Variants in CDC42BPB observed in about 807,000 individuals in gnomAD.
CDC42BPB encodes the protein CDC42 binding protein kinase beta.
A neutral mutation model predicts 214.9 loss-of-function variants in CDC42BPB; 37 were observed. That is an observed-to-expected ratio of 0.17 (90% CI 0.13 to 0.23). The LOEUF (loss-of-function observed/expected upper bound fraction) is 0.23. Among genes scored for constraint, CDC42BPB ranks in the 10% least tolerant of loss-of-function variants. CDC42BPB has a pLI of 1.00. For missense variants in CDC42BPB, 1,694 were observed against 2,227.0 expected (o/e 0.76, Z 4.82); for synonymous variants, 931 against 884.0 (o/e 1.05, Z -0.94).
chr14:103,053,360 A>T (rs1438315789), intron 1 of CDC42BPB, among the ~76,000 whole-genome samples: 2 of 151,830 alleles, frequency 1.3e-5, no homozygotes, highest in South Asian at 2.1e-4. Flanking sequence ...AAAAAAAGAA[A>T]AGAAAAGAAA....
In CDC42BPB at chr14:102,975,999, A is replaced by G. The variant is rs1240863944; in HGVS notation, c.1271T>C (p.Leu424Ser). Residue 424 changes from leucine (L) to serine (S), a missense_variant, in exon 10 of 37, where the codon TTA becomes TCA. Leu to Ser is a moderately radical substitution (Grantham distance 145). This residue lies in a region of CDC42BPB where 462 missense variants were observed against 513.5 expected (regional missense o/e 0.90). Transcript: ENST00000361246. Reference protein sequence around the residue: ...SLKSIMQSNTLTKDEDVQRDL... With the variant: ...SLKSIMQSNTSTKDEDVQRDL... ...CCGCTGCACATCCTCATCTTTGGTT[A>G]ATGTGTTGGACTGCATTATGCTCTT... The G allele has an allele frequency of 6.2e-7, 1 of 1,614,114 alleles. No homozygotes were observed. Among genetic ancestry groups the G allele is most frequent in the African/African-American group, 1.3e-5 (1 of 74,938 alleles).
chr14:102,993,550 AGAGG>A (rs151086257), intron 5 of CDC42BPB, among the ~76,000 whole-genome samples: 1 of 146,358 alleles, frequency 6.8e-6, no homozygotes, highest in African/African-American at 2.5e-5. Flanking sequence ...ATGGAGGGAA[AGAGG>A]GAGGGAGGGA....
Position 103,041,551 on chromosome 14 carries a change from G to A in CDC42BPB, c.175+15448C>T, listed in dbSNP as rs1037312410. ...TCGTGGCCACATGGTTCAACCAGCC[G>A]GCCCGAAGATCCGCAGATGCAAGGC... On this transcript the variant is annotated intron_variant, in intron 1 of 36. Transcript: ENST00000361246. The A allele has an allele frequency of 3.4e-5, 45 of 1,340,200 alleles. No individual in the cohort carries two copies. In the Middle Eastern group the frequency reaches 7.4e-4, roughly 22 times the overall value. 83.0% of individuals were successfully genotyped at this position (1,340,200 alleles called of 1,614,324 possible).
At chr14:102,969,901 T>G (rs1268121839) in intron 14 of CDC42BPB, among the ~76,000 whole-genome samples, 1 of 152,258 alleles carries the variant, frequency 6.6e-6, no homozygotes, top group African/African-American at 2.4e-5. Flanking sequence ...ATTCGTTTCC[T>G]AGGACTTACT....
At chr14:102,961,531 C>A (rs1448499431) in intron 20 of CDC42BPB, among the ~76,000 whole-genome samples, 2 of 144,684 alleles carry the variant, frequency 1.4e-5, no homozygotes, top group South Asian at 2.2e-4. Flanking sequence ...GATGGCAAAA[C>A]CCCCCCCACT....
chr14:102,937,967 T>A, intron 36 of CDC42BPB, 137 bp downstream of exon 36: 2 of 905,990 alleles, frequency 2.2e-6, no homozygotes, highest in Admixed American at 1.7e-5. Context: ...CCCCGACCCC[T>A]GCCCCCGTCA....
In CDC42BPB at chr14:102,972,050, C is replaced by T. The variant is rs1218724775; in HGVS notation, c.1753G>A (p.Ala585Thr). Residue 585 changes from alanine to threonine, a missense_variant, in exon 13 of 37, where the codon GCA becomes ACA. By Grantham distance (58) the Ala-to-Thr change is moderately conservative. This residue lies in a region of CDC42BPB where 462 missense variants were observed against 513.5 expected (regional missense o/e 0.90). Transcript: ENST00000361246. ...QEFSELNERM[A>T]ELRAQKQKVS... The stretch of plus-strand genomic sequence containing the variant: ...TTCTGCTTCTGGGCACGGAGCTCTG[C>T]CATGCGCTCGTTCAGCTCCGAGAAC... 6.2e-7 allele frequency: 1 copy of T among 1,614,274 alleles called. No homozygotes were observed. Among genetic ancestry groups the T allele is most frequent in the South Asian group, 1.1e-5 (1 of 91,088 alleles).
chr14:103,021,597 T>C (rs755804481), intron 1 of CDC42BPB, among the ~76,000 whole-genome samples: 1 of 151,328 alleles, frequency 6.6e-6, no homozygotes, highest in Non-Finnish European at 1.5e-5. Flanking sequence ...GCAGAATCGC[T>C]TGAATCCAGG....
intron 30 of CDC42BPB, among the ~76,000 whole-genome samples, chr14:102,942,638 G>C (rs914464156): frequency 2.0e-5 from 3 of 152,222 alleles, no homozygotes; most frequent in Non-Finnish European, 4.4e-5. Context: ...TCCATCTTCT[G>C]GGCTCAAGCA....
intron 1 of CDC42BPB, among the ~76,000 whole-genome samples, chr14:103,048,532 CAAAAAAAAAAAAAAAA>C (rs71119751): frequency 9.4e-5 from 4 of 42,656 alleles, no homozygotes; most frequent in Non-Finnish European, 1.6e-4. Flanking sequence ...ACTAAAAATA[CAAAAAAAAAAAAAAAA>C]AAAAAAAAAA....
chr14:102,941,385 T>C, intron 30 of CDC42BPB: 1 of 985,428 alleles, frequency 1.0e-6, no homozygotes, highest in Non-Finnish European at 1.2e-6. Flanking sequence ...GGCTACAAGA[T>C]CAGGACTTTT....
intron 8 of CDC42BPB, among the ~76,000 whole-genome samples, chr14:102,980,129 A>G (rs754288960): frequency 3.3e-5 from 5 of 152,218 alleles, no homozygotes; most frequent in African/African-American, 7.2e-5. Flanking sequence ...CTTTCAACCT[A>G]AAAAACCTAA....
At chr14:102,969,287 G>A (rs1893364856) in intron 14 of CDC42BPB, among the ~76,000 whole-genome samples, 1 of 152,334 alleles carries the variant, frequency 6.6e-6, no homozygotes, top group African/African-American at 2.4e-5. Context: ...TGTCTGGTGT[G>A]GCGGGGCAAG....
At chr14:103,030,817 C>T in intron 1 of CDC42BPB, among the ~76,000 whole-genome samples, 1 of 152,088 alleles carries the variant, frequency 6.6e-6, no homozygotes, top group Non-Finnish European at 1.5e-5. Flanking sequence ...AAGCCCGTCT[C>T]TACAAAAAAA....
chr14:103,013,862 TC>T (rs1302595322), intron 1 of CDC42BPB, among the ~76,000 whole-genome samples: 2 of 151,972 alleles, frequency 1.3e-5, no homozygotes, highest in Admixed American at 6.6e-5. Context: ...ACTGGTTACA[TC>T]CCCCACAAGA....
intron 24 of CDC42BPB, among the ~76,000 whole-genome samples, chr14:102,950,999 T>C (rs1291265415): frequency 1.3e-5 from 2 of 151,856 alleles, no homozygotes; most frequent in Non-Finnish European, 2.9e-5. Context: ...AAACAAAAAA[T>C]AATGATCAAG....
intron 1 of CDC42BPB, among the ~76,000 whole-genome samples, chr14:103,026,337 G>A (rs1028906358): frequency 6.6e-6 from 1 of 152,102 alleles, no homozygotes; most frequent in Non-Finnish European, 1.5e-5. Flanking sequence ...GTTGCAGTGA[G>A]CCGAGATCAC....
chr14:103,056,583 G>A (rs1189344620), intron 1 of CDC42BPB, among the ~76,000 whole-genome samples: 3 of 150,554 alleles, frequency 2.0e-5, no homozygotes, highest in Admixed American at 6.6e-5. Context: ...GGGGGCGGGG[G>A]CGGGGGCGGA....
At chr14:102,935,565 A>G (rs1320038676) in intron 36 of CDC42BPB, among the ~76,000 whole-genome samples, 1 of 152,234 alleles carries the variant, frequency 6.6e-6, no homozygotes, top group Non-Finnish European at 1.5e-5. Flanking sequence ...CAAGGCGGGC[A>G]GATCACTTGA....
Sources: allele counts gnomAD v4.1 joint callset (sites outside exome capture counted in the v4.1 genomes callset), GRCh38; gene constraint gnomAD v4.1.1; regional missense constraint gnomAD v4.1.1; transcripts MANE v1.5; gene names NCBI Gene and HGNC (gene_info 2026-07-23, HGNC 2026-07-21).